The following POGLUT3 variants were observed in gnomAD, a reference collection of about 807,000 sequenced individuals.
POGLUT3 encodes KDEL (Lys-Asp-Glu-Leu) containing 2.
POGLUT3 carries 48 observed loss-of-function variants against 54.3 expected under a neutral mutation model. That is an observed-to-expected ratio of 0.88 (90% CI 0.70 to 1.12). POGLUT3 has a LOEUF of 1.12. Ranked by LOEUF, POGLUT3 falls within the 50% of genes most tolerant of loss-of-function variation. The pLI is 0.00. For synonymous variants in POGLUT3, 218 were observed against 237.4 expected (o/e 0.92, Z 0.75); for missense variants, 629 against 618.7 (o/e 1.02, Z -0.18).
At chr11:108,486,640 G>GTT in intron 2 of POGLUT3, 200 bp from the exon 3 acceptor site, 1 of 562,430 alleles carries the variant, frequency 1.8e-6, no homozygotes, top group Non-Finnish European at 3.1e-6. Context: ...AAACAGTTTA[G>GTT]TATATGCCCT....
chr11:108,493,132 G>C (rs1485061683), intron 1 of POGLUT3, among the ~76,000 whole-genome samples: 1 of 152,122 alleles, frequency 6.6e-6, no homozygotes, highest in Non-Finnish European at 1.5e-5. Context: ...AAAACAACTA[G>C]CTTCAAAATG....
chr11:108,482,075 T>C lies in POGLUT3; in HGVS notation c.832A>G (p.Ile278Val), dbSNP rs1266255504. The change falls in exon 4 of 8, where the codon ATC becomes GTC. Residue 278 changes from isoleucine (I) to valine (V), a missense_variant. Coordinates refer to ENST00000323468, the MANE Select transcript of POGLUT3 (RefSeq NM_153705.5). Reference protein sequence around the residue: ...SRDVVLPTYDITHSMLEAMRG... With the variant: ...SRDVVLPTYDVTHSMLEAMRG... ...ATGGCTTCAAGCATGGAGTGGGTGA[T>C]GTCATACGTTGGAAGGACAACATCT... 1.9e-6 allele frequency: 3 copies of C among 1,614,054 alleles called. No individual in the cohort carries two copies. Among genetic ancestry groups the C allele is most frequent in the African/African-American group, 1.3e-5 (1 of 74,932 alleles).
At position 108,491,103 on chromosome 11, in the gene POGLUT3, G is replaced by T. The variant is rs754052374; in HGVS notation, c.267C>A (p.Val89=). 1.9e-6 allele frequency: 3 copies of T among 1,613,804 alleles called. No individual in the cohort carries two copies. Among genetic ancestry groups the T allele is most frequent in the South Asian group, 2.2e-5 (2 of 91,046 alleles). ...LSPKELVRIH[V]PKPLDRNDGT... ...CATCATTCCTGTCCAAAGGTTTAGG[G>T]ACATGTATCCGGACCAACTCTTTAG... Residue 89 remains valine (V), a synonymous_variant, in exon 2 of 8, where the codon GTC becomes GTA. Coordinates refer to ENST00000323468, the MANE Select transcript of POGLUT3 (RefSeq NM_153705.5).
At chr11:108,476,769 A>G (rs985517460) in intron 7 of POGLUT3, among the ~76,000 whole-genome samples, 3 of 152,184 alleles carry the variant, frequency 2.0e-5, no homozygotes, top group Non-Finnish European at 2.9e-5. Flanking sequence ...TTCAGCCCTA[A>G]GGTGTTAGAA....
intron 7 of POGLUT3, 121 bp from the exon 8 acceptor site, chr11:108,475,073 A>C: frequency 5.0e-6 from 5 of 1,004,668 alleles, no homozygotes; most frequent in Non-Finnish European, 6.0e-6. Context: ...TGCAGACTAA[A>C]ACCAAAGGTC....
chr11:108,486,079 T>C, intron 3 of POGLUT3, 78 bp downstream of exon 3: 3 of 1,200,186 alleles, frequency 2.5e-6, no homozygotes, highest in Non-Finnish European at 3.5e-6. Flanking sequence ...TGTTTCATCC[T>C]TTGTCATTAT....
intron 2 of POGLUT3, among the ~76,000 whole-genome samples, chr11:108,488,180 C>A (rs369930699): frequency 3.9e-5 from 6 of 152,052 alleles, no homozygotes; most frequent in African/African-American, 1.4e-4. Flanking sequence ...CTCACCACCA[C>A]GCCCAACTAA....
chr11:108,493,460 T>C (rs1175448828), intron 1 of POGLUT3, among the ~76,000 whole-genome samples: 2 of 152,152 alleles, frequency 1.3e-5, no homozygotes, highest in East Asian at 1.9e-4. Context: ...TTCCTTCAAA[T>C]GGAAGGCATG....
Position 108,475,454 on chromosome 11 carries a change from G to GTTTTTTTTTT in POGLUT3, c.1399-503_1399-502insAAAAAAAAAA, listed in dbSNP as rs1182179068. Among the ~76,000 whole-genome samples, 8 of 109,348 alleles carry GTTTTTTTTTT rather than the reference G, an allele frequency of 7.3e-5. 1 individual carries two copies. The highest frequency in any genetic ancestry group is 1.1e-4 in the African/African-American group (3 of 27,584). The allele number at this position is 109,348 out of a possible 152,430, so 71.7% of individuals were successfully genotyped here. On this transcript the variant is annotated intron_variant, in intron 7 of 7. Transcript: ENST00000323468. ...TGAGTGAAATATTTCTATAAATGGA[G>GTTTTTTTTTT]TTTTTTTTGTTTTTGTTTTTTTTTT...
chr11:108,475,469 GTTTTTT>G (rs1288287741), intron 7 of POGLUT3, among the ~76,000 whole-genome samples: 7 of 130,976 alleles, frequency 5.3e-5, no homozygotes, highest in Admixed American at 1.7e-4. Context: ...TTTTGTTTTT[GTTTTTT>G]TTTTTTTTTG....
intron 2 of POGLUT3, 81 bp downstream of exon 2, chr11:108,490,889 G>T: frequency 2.1e-6 from 2 of 965,740 alleles, no homozygotes; most frequent in South Asian, 1.4e-5. Flanking sequence ...ACATGACTTT[G>T]AGGTCATCAG....
rs1488408721 is a variant in POGLUT3 at position 108,474,759 on chromosome 11, T to C, written c.*68A>G. 1 of 1,581,310 alleles carries C rather than the reference T, an allele frequency of 6.3e-7. No individual in the cohort carries two copies. The highest frequency in any genetic ancestry group is 1.4e-5 in the African/African-American group (1 of 72,940). ...TTGGTGCAGTCTTCTATACTGTCCT[T>C]CACAGCTTAGATTCAATCTTTCCTT... On this transcript the variant is annotated 3_prime_UTR_variant, in exon 8 of 8. Transcript: ENST00000323468.
At chr11:108,477,911 G>T in intron 6 of POGLUT3, 200 bp from the exon 7 acceptor site, 1 of 562,246 alleles carries the variant, frequency 1.8e-6, no homozygotes. Context: ...TACTTTGGGG[G>T]CCCAAAGCTA....
rs1371011537 is a variant in POGLUT3 at position 108,479,336 on chromosome 11, G to A, written c.1258C>T (p.Leu420=). ...TTAACTTTCTCTAATAAATCACTCA[G>A]ATTTCTTTTAATTGGAACATAATGC... ...WKHYVPIKRN[L]SDLLEKVKWA... is the part of the protein sequence containing the mutation. Residue 420 remains leucine (L), a synonymous_variant, in exon 6 of 8, where the codon CTG becomes TTG. Coordinates refer to ENST00000323468, the MANE Select transcript of POGLUT3 (RefSeq NM_153705.5). 6.2e-7 allele frequency: 1 copy of A among 1,611,190 alleles called. No individual in the cohort carries two copies. The highest frequency in any genetic ancestry group is 1.7e-5 in the Admixed American group (1 of 58,868).
At position 108,481,510 on chromosome 11, in the gene POGLUT3, T is replaced by C. The variant is rs1368659068; in HGVS notation, c.902-134A>G. ...TTATCAACTCATCTTCTAAAGTAGA[T>C]GTTATTTCAACGAAAATATGGGATT... On this transcript the variant is annotated intron_variant, in intron 4 of 7. Transcript: ENST00000323468. 1.0e-5 allele frequency: 7 copies of C among 674,490 alleles called. No individual in the cohort carries two copies. In the East Asian group the frequency reaches 2.2e-4, roughly 22 times the overall value. The allele number at this position is 674,490 out of a possible 1,614,324, so 41.8% of individuals were successfully genotyped here.
chr11:108,482,295 G>C (rs1450713710), intron 3 of POGLUT3, 73 bp from the exon 4 acceptor site: 1 of 1,039,106 alleles, frequency 9.6e-7, no homozygotes, highest in East Asian at 2.4e-5. Context: ...ACAGTTCTTT[G>C]GTTTTCTTAC....
At chr11:108,484,669 T>C (rs2093599381) in intron 3 of POGLUT3, among the ~76,000 whole-genome samples, 1 of 152,046 alleles carries the variant, frequency 6.6e-6, no homozygotes, top group Non-Finnish European at 1.5e-5. Context: ...GGCAGGAGAA[T>C]CGCTTGAACC....
chr11:108,479,849 T>C (rs1201909555), intron 5 of POGLUT3, among the ~76,000 whole-genome samples: 1 of 152,192 alleles, frequency 6.6e-6, no homozygotes, highest in Non-Finnish European at 1.5e-5. Flanking sequence ...TTATTATTTT[T>C]TTGAGACAGT....
chr11:108,486,410 G>A lies in POGLUT3; in HGVS notation c.431C>T (p.Pro144Leu), dbSNP rs74911261. ...CTTCTGCCAGGCCTGAGGATCTTCC[G>A]GACACTCACAGTACTCATGGTACAC... is the stretch of plus-strand genomic sequence containing the variant. ...GPVYHEYCEC[P>L]EDPQAWQKTL... is the part of the protein sequence containing the mutation. Residue 144 changes from proline to leucine, a missense_variant, in exon 3 of 8, where the codon CCG becomes CTG. Physicochemically the swap from Pro to Leu is moderately conservative, Grantham distance 98. Transcript: ENST00000323468. The A allele has an allele frequency of 0.021, 34,181 of 1,613,950 alleles. 456 individuals are homozygous for A. The highest frequency in any genetic ancestry group is 0.026 in the Non-Finnish European group (30,345 of 1,179,972).
Sources: gnomAD v4.1 joint callset for allele counts (sites outside exome capture counted in the v4.1 genomes callset) on GRCh38, gnomAD v4.1.1 for gene constraint, MANE v1.5 for transcripts, NCBI Gene and HGNC (gene_info 2026-07-23, HGNC 2026-07-21) for gene names.